STX8: variants seen among roughly 807,000 people sequenced by gnomAD.
STX8 encodes the protein syntaxin 8, also known as syntaxin-8.
A neutral mutation model predicts 37.5 loss-of-function variants in STX8; 23 were observed. That is an observed-to-expected ratio of 0.61 (90% CI 0.44 to 0.87). STX8 has a LOEUF of 0.87. Among genes scored for constraint, STX8 ranks in the 40% least tolerant of loss-of-function variants. The pLI, the probability that STX8 is intolerant of heterozygous loss-of-function variation, is 0.00. For synonymous variants in STX8, 115 were observed against 99.1 expected (o/e 1.16, Z -0.95); for missense variants, 313 against 284.7 (o/e 1.10, Z -0.71).
intron 6 of STX8, among the ~76,000 whole-genome samples, chr17:9,471,244 C>T (rs1373856743): frequency 2.7e-5 from 4 of 150,370 alleles, no homozygotes; most frequent in East Asian, 3.9e-4. Flanking sequence ...CTCCGCCTCC[C>T]GGGTTCAAGC....
intron 7 of STX8, among the ~76,000 whole-genome samples, chr17:9,347,856 A>C (rs1214656621): frequency 6.6e-6 from 1 of 152,070 alleles, no homozygotes; most frequent in Non-Finnish European, 1.5e-5. Flanking sequence ...AGATTTGCCT[A>C]CTCTGGACAT....
At chr17:9,574,140 G>A (rs542129586) in intron 1 of STX8, among the ~76,000 whole-genome samples, 176 of 151,754 alleles carry the variant, frequency 1.2e-3, no homozygotes, top group African/African-American at 4.0e-3. Context: ...GCGTGGCTGC[G>A]TGCGCCTGTA....
intron 7 of STX8, among the ~76,000 whole-genome samples, chr17:9,349,308 T>C (rs1156881873): frequency 6.8e-6 from 1 of 147,822 alleles, no homozygotes; most frequent in Non-Finnish European, 1.5e-5. Flanking sequence ...ATAAATTTAT[T>C]TTCTTTTCTT....
At chr17:9,530,539 T>C (rs991747718) in intron 4 of STX8, among the ~76,000 whole-genome samples, 2 of 152,222 alleles carry the variant, frequency 1.3e-5, no homozygotes, top group African/African-American at 4.8e-5. Flanking sequence ...TATAATGACA[T>C]TGTGACTTGA....
chr17:9,374,061 T>A (rs1257447487), intron 7 of STX8, among the ~76,000 whole-genome samples: 1 of 151,900 alleles, frequency 6.6e-6, no homozygotes, highest in Non-Finnish European at 1.5e-5. Context: ...GTAAATTTTA[T>A]GCTATATATA....
chr17:9,358,573 T>G (rs889465266), intron 7 of STX8, among the ~76,000 whole-genome samples: 1 of 152,208 alleles, frequency 6.6e-6, no homozygotes, highest in African/African-American at 2.4e-5. Context: ...ATTCCTGTGC[T>G]CCGTTATCTT....
At position 9,568,478 on chromosome 17, in the gene STX8, A is replaced by G. The variant is rs759297821; in HGVS notation, c.18-8T>C. 212 of 1,605,034 alleles carry G rather than the reference A, an allele frequency of 1.3e-4. No homozygotes were observed. The highest frequency in any genetic ancestry group is 1.7e-4 in the Non-Finnish European group (201 of 1,175,338). On this transcript the variant is annotated splice_region_variant and splice_polypyrimidine_tract_variant and intron_variant, in intron 1 of 7. Transcript: ENST00000306357. ...GAATCGTATGTGGAGAACCTGCACC[A>G]AAGTCGTAAAAAGAGAAAATGTTTA... is the stretch of plus-strand genomic sequence containing the variant.
At chr17:9,488,821 A>AGAGTGTGT (rs563653738) in intron 6 of STX8, among the ~76,000 whole-genome samples, 110 of 144,010 alleles carry the variant, frequency 7.6e-4, no homozygotes, top group African/African-American at 2.5e-3. Context: ...AGAGAGAGAG[A>AGAGTGTGT]GTGTGTGTGT....
chr17:9,417,020 C>A (rs991832766), intron 6 of STX8, among the ~76,000 whole-genome samples: 6 of 152,190 alleles, frequency 3.9e-5, no homozygotes, highest in Admixed American at 3.3e-4. Flanking sequence ...TACCCAGAGG[C>A]TGACTCAGTG....
At chr17:9,509,862 C>T (rs1427284949) in intron 4 of STX8, among the ~76,000 whole-genome samples, 3 of 148,656 alleles carry the variant, frequency 2.0e-5, no homozygotes, top group Non-Finnish European at 4.5e-5. Flanking sequence ...CAAGACTAGA[C>T]TCAACTATAT....
At chr17:9,254,113 T>C (rs1254384047) in intron 7 of STX8, among the ~76,000 whole-genome samples, 1 of 152,126 alleles carries the variant, frequency 6.6e-6, no homozygotes, top group Non-Finnish European at 1.5e-5. Flanking sequence ...ATCCAAACTT[T>C]ACAGTGGCCA....
At chr17:9,318,718 T>C (rs1909469253) in intron 7 of STX8, among the ~76,000 whole-genome samples, 1 of 152,172 alleles carries the variant, frequency 6.6e-6, no homozygotes, top group Non-Finnish European at 1.5e-5. Flanking sequence ...AGTAAAACTA[T>C]CAAGCATGAG....
At chr17:9,286,780 T>C (rs1908088795) in intron 7 of STX8, among the ~76,000 whole-genome samples, 2 of 149,768 alleles carry the variant, frequency 1.3e-5, no homozygotes, top group Admixed American at 6.7e-5. Flanking sequence ...TTCGGTGTGG[T>C]AAAGGAATCC....
Position 9,545,257 on chromosome 17 carries a change from G to C in STX8, c.238C>G (p.Gln80Glu). 1.2e-6 allele frequency: 2 copies of C among 1,614,088 alleles called. No homozygotes were observed. Among genetic ancestry groups the C allele is most frequent in the Non-Finnish European group, 1.7e-6 (2 of 1,179,976 alleles). ...QITQLEGDRR[Q>E]NLLDDLVTRE... ...GTTACAAGATCATCCAAGAGGTTCT[G>C]TCTTCGGTCCCCTTCAAGCTGTGTT... The change falls in exon 4 of 8, where the codon CAG (glutamine) becomes GAG (glutamate). Residue 80 changes from glutamine (Q) to glutamate (E), a missense_variant. Gln to Glu is a conservative substitution (Grantham distance 29). Transcript: ENST00000306357.
chr17:9,414,576 G>A (rs1050413998), intron 6 of STX8, among the ~76,000 whole-genome samples: 1 of 152,030 alleles, frequency 6.6e-6, no homozygotes, highest in Non-Finnish European at 1.5e-5. Context: ...GTGAAGTCGA[G>A]TTGACAGAGT....
At chr17:9,439,887 C>T (rs1904578080) in intron 6 of STX8, among the ~76,000 whole-genome samples, 1 of 152,096 alleles carries the variant, frequency 6.6e-6, no homozygotes, top group African/African-American at 2.4e-5. Flanking sequence ...CACATTCCCA[C>T]ACATTACCAT....
intron 4 of STX8, among the ~76,000 whole-genome samples, chr17:9,543,064 A>C (rs962220274): frequency 1.3e-5 from 2 of 152,316 alleles, no homozygotes; most frequent in African/African-American, 2.4e-5. Context: ...CAAAGAGCAG[A>C]GTCTGGTGCA....
intron 4 of STX8, among the ~76,000 whole-genome samples, chr17:9,530,340 T>C (rs1214185610): frequency 6.6e-6 from 1 of 150,600 alleles, no homozygotes; most frequent in East Asian, 2.0e-4. Flanking sequence ...AGCACTGCTA[T>C]AAACATTCTT....
At chr17:9,477,020 A>T (rs956053590) in intron 6 of STX8, among the ~76,000 whole-genome samples, 3 of 151,488 alleles carry the variant, frequency 2.0e-5, no homozygotes, top group African/African-American at 7.3e-5. Flanking sequence ...TAATTTTTTT[A>T]TTATTATTAT....
Sources: allele counts gnomAD v4.1 joint callset (sites outside exome capture counted in the v4.1 genomes callset), GRCh38; gene constraint gnomAD v4.1.1; transcripts MANE v1.5; gene names NCBI Gene and HGNC (gene_info 2026-07-23, HGNC 2026-07-21).